EMCN: variants seen among roughly 807,000 people sequenced by gnomAD.
EMCN encodes the protein endomucin.
Under a neutral mutation model 38.4 loss-of-function variants are expected in EMCN, and 37 were observed. The ratio of observed to expected loss-of-function variants is 0.96; its 90% CI spans 0.74 to 1.27. The LOEUF (loss-of-function observed/expected upper bound fraction) is 1.27. Ranked by LOEUF, EMCN falls within the 50% of genes most tolerant of loss-of-function variation. EMCN has a pLI of 0.00. For missense variants in EMCN, 318 were observed against 302.8 expected, an observed-to-expected ratio of 1.05 and a Z score of -0.37; for synonymous variants, 95 against 100.8, an observed-to-expected ratio of 0.94 and a Z score of 0.35.
intron 1 of EMCN, among the ~76,000 whole-genome samples, chr4:100,506,531 C>A (rs79289574): frequency 1.4e-3 from 218 of 151,864 alleles, no homozygotes; most frequent in African/African-American, 5.0e-3. Context: ...TTACTCAGAT[C>A]TAACTGAATA....
chr4:100,442,741 A>G (rs1727558937), intron 5 of EMCN, among the ~76,000 whole-genome samples: 1 of 151,996 alleles, frequency 6.6e-6, no homozygotes, highest in Non-Finnish European at 1.5e-5. Flanking sequence ...CTGTCTTTTC[A>G]TTGAATTTCC....
chr4:100,489,617 G>A (rs1469703406), intron 1 of EMCN, among the ~76,000 whole-genome samples: 2 of 152,200 alleles, frequency 1.3e-5, no homozygotes, highest in African/African-American at 4.8e-5. Context: ...TGCCAGTCAT[G>A]TTCAAGTATA....
At chr4:100,410,176 C>T (rs746967839) in intron 11 of EMCN, 106 bp downstream of exon 11, 4 of 832,868 alleles carry the variant, frequency 4.8e-6, no homozygotes, top group Non-Finnish European at 7.9e-6. Flanking sequence ...TGACACAAAC[C>T]ATTAGCTTTC....
chr4:100,484,333 A>G (rs1241648975), intron 1 of EMCN, among the ~76,000 whole-genome samples: 1 of 152,150 alleles, frequency 6.6e-6, no homozygotes, highest in Non-Finnish European at 1.5e-5. Context: ...TCTGTTTTCA[A>G]ATGATAAAGT....
Position 100,421,385 on chromosome 4 carries a change from G to T in EMCN, c.569-8C>A, listed in dbSNP as rs1367923841. On this transcript the variant is annotated splice_region_variant and splice_polypyrimidine_tract_variant and intron_variant, in intron 7 of 11. Transcript: ENST00000296420. ...CCACCGGCAAAATAATACCTAAAAAGAATTGGAGACATTGTCAATTAGAGT... is the reference window on the plus strand; with the variant it reads ...CCACCGGCAAAATAATACCTAAAAATAATTGGAGACATTGTCAATTAGAGT... 2.5e-6 allele frequency: 4 copies of T among 1,607,142 alleles called. No homozygotes were observed. Among genetic ancestry groups the T allele is most frequent in the Admixed American group, 3.3e-5 (2 of 59,704 alleles).
chr4:100,493,727 T>A (rs1332681889), intron 1 of EMCN, among the ~76,000 whole-genome samples: 2 of 152,242 alleles, frequency 1.3e-5, no homozygotes, highest in African/African-American at 4.8e-5. Flanking sequence ...CTTTTTTCCA[T>A]ATAAGTGAGT....
In EMCN at chr4:100,423,516, T is replaced by C. The variant is rs549901240; in HGVS notation, c.416-112A>G. The C allele has an allele frequency of 1.4e-4, 102 of 704,910 alleles. No individual in the cohort carries two copies. The South Asian group carries it at 1.6e-3, about 11-fold the overall frequency. 43.7% of individuals were successfully genotyped at this position (704,910 alleles called of 1,614,324 possible). ...CTGAAGATCTGTGAAAACTATTTATTGTCAAATAGTAGGATAAATGCAATC... is the reference window on the plus strand; with the variant it reads ...CTGAAGATCTGTGAAAACTATTTATCGTCAAATAGTAGGATAAATGCAATC... On this transcript the variant is annotated intron_variant, in intron 5 of 11. Transcript: ENST00000296420.
intron 4 of EMCN, among the ~76,000 whole-genome samples, chr4:100,459,547 A>C (rs187217455): frequency 4.8e-4 from 73 of 152,188 alleles, no homozygotes; most frequent in African/African-American, 1.7e-3. Context: ...ATTTTGTATA[A>C]TTTGACCAAC....
intron 4 of EMCN, among the ~76,000 whole-genome samples, chr4:100,458,979 T>C (rs1728093328): frequency 6.6e-6 from 1 of 152,080 alleles, no homozygotes; most frequent in Non-Finnish European, 1.5e-5. Context: ...CCCTGAAAGA[T>C]TTCACTGTTG....
At chr4:100,442,063 T>C (rs768022986) in intron 5 of EMCN, among the ~76,000 whole-genome samples, 28 of 152,202 alleles carry the variant, frequency 1.8e-4, no homozygotes, top group Non-Finnish European at 3.1e-4. Context: ...CCTTTAAGCA[T>C]TTCTTGTAAG....
At chr4:100,406,495 A>G (rs1431772356) in intron 11 of EMCN, among the ~76,000 whole-genome samples, 2 of 152,152 alleles carry the variant, frequency 1.3e-5, no homozygotes, top group East Asian at 3.8e-4. Context: ...TGTTTACACA[A>G]AAGTCATTCA....
At chr4:100,412,782 G>GAGTT (rs1336671413) in intron 10 of EMCN, among the ~76,000 whole-genome samples, 1 of 152,086 alleles carries the variant, frequency 6.6e-6, no homozygotes, top group Non-Finnish European at 1.5e-5. Context: ...AAACATGCAT[G>GAGTT]AGTTACAGTT....
chr4:100,468,609 A>T (rs1309485159), intron 3 of EMCN, among the ~76,000 whole-genome samples: 1 of 152,152 alleles, frequency 6.6e-6, no homozygotes, highest in African/African-American at 2.4e-5. Flanking sequence ...TACATGCTGT[A>T]GACTACTAGT....
intron 4 of EMCN, among the ~76,000 whole-genome samples, chr4:100,455,508 AG>A: frequency 9.9e-6 from 1 of 101,114 alleles, no homozygotes; most frequent in South Asian, 3.7e-4. Flanking sequence ...TAGGGTGAAA[AG>A]TTTTTTTTTT....
chr4:100,481,943 T>C (rs1321451519), intron 1 of EMCN, among the ~76,000 whole-genome samples: 1 of 151,696 alleles, frequency 6.6e-6, no homozygotes, highest in Non-Finnish European at 1.5e-5. Flanking sequence ...CTTCCTTCTT[T>C]CCCTTCCTTT....
At chr4:100,417,338 G>A (rs1726765384) in intron 8 of EMCN, among the ~76,000 whole-genome samples, 197 bp from the exon 9 acceptor site, 1 of 152,052 alleles carries the variant, frequency 6.6e-6, no homozygotes, top group African/African-American at 2.4e-5. Context: ...GGCACTCATG[G>A]GATAGTCCTA....
rs575368119 is a variant in EMCN at position 100,487,089 on chromosome 4, A to G, written c.65-7050T>C. 552 of 899,336 alleles carry G rather than the reference A, an allele frequency of 6.1e-4. 1 individual carries two copies. The highest frequency in any genetic ancestry group is 7.0e-4 in the Non-Finnish European group (529 of 751,412). 55.7% of individuals were successfully genotyped at this position (899,336 alleles called of 1,614,324 possible). ...TATAAATGTAGGAGTGGGAGGAAAA[A>G]GGAATATCTTGGCAATGCTCCTTGG... On this transcript the variant is annotated intron_variant, in intron 1 of 11. Transcript: ENST00000296420.
At chr4:100,437,813 T>C (rs1178158557) in intron 5 of EMCN, among the ~76,000 whole-genome samples, 1 of 152,146 alleles carries the variant, frequency 6.6e-6, no homozygotes, top group Non-Finnish European at 1.5e-5. Context: ...ATTTGTAATA[T>C]AATTTTAACT....
chr4:100,434,859 A>G (rs1346063213), intron 5 of EMCN, among the ~76,000 whole-genome samples: 1 of 152,200 alleles, frequency 6.6e-6, no homozygotes, highest in Non-Finnish European at 1.5e-5. Flanking sequence ...TAAACTGGGT[A>G]TTGAAGGAAC....
Sources: gnomAD v4.1 joint callset for allele counts (sites outside exome capture counted in the v4.1 genomes callset) on GRCh38, gnomAD v4.1.1 for gene constraint, MANE v1.5 for transcripts, NCBI Gene and HGNC (gene_info 2026-07-23, HGNC 2026-07-21) for gene names.